Variants in ADA2 observed in about 807,000 individuals in gnomAD.
ADA2 encodes adenosine deaminase 2.
A neutral mutation model predicts 44.2 loss-of-function variants in ADA2; 29 were observed. The observed-to-expected ratio is 0.66, with a 90% confidence interval of 0.49 to 0.89. The LOEUF (loss-of-function observed/expected upper bound fraction) is 0.89. Among genes scored for constraint, ADA2 ranks in the 40% least tolerant of loss-of-function variants. The pLI is 0.00. For missense variants in ADA2, 637 were observed against 644.8 expected (o/e 0.99, Z 0.13); for synonymous variants, 215 against 234.9 (o/e 0.92, Z 0.77).
chr22:17,211,441 T>A (rs1271851896), intron 1 of ADA2, among the ~76,000 whole-genome samples: 2 of 152,024 alleles, frequency 1.3e-5, no homozygotes, highest in African/African-American at 4.8e-5. Context: ...AAGACCATTC[T>A]CAGCAACATG....
chr22:17,202,238 T>C (rs1325744124), intron 4 of ADA2, among the ~76,000 whole-genome samples: 1 of 152,054 alleles, frequency 6.6e-6, no homozygotes. Context: ...CAAGCAATTC[T>C]CCTGCCTCAG....
chr22:17,183,870 G>A (rs1368179371), intron 7 of ADA2, among the ~76,000 whole-genome samples: 1 of 150,774 alleles, frequency 6.6e-6, no homozygotes, highest in Admixed American at 6.6e-5. Context: ...ATATTTAATA[G>A]TACTGTCAAG....
At chr22:17,205,466 T>C (rs2123704968) in intron 3 of ADA2, among the ~76,000 whole-genome samples, 1 of 152,294 alleles carries the variant, frequency 6.6e-6, no homozygotes, top group Middle Eastern at 3.4e-3. Context: ...TATTCTGTTA[T>C]GGCAGCTCGA....
intron 3 of ADA2, among the ~76,000 whole-genome samples, chr22:17,205,035 TTAAACAG>T (rs1426630882): frequency 1.3e-5 from 2 of 151,810 alleles, no homozygotes; most frequent in Non-Finnish European, 2.9e-5. Context: ...CTTTTTTTTT[TTAAACAG>T]AATCTTGCTC....
intron 7 of ADA2, among the ~76,000 whole-genome samples, chr22:17,186,542 A>G (rs537495418): frequency 1.3e-5 from 2 of 152,096 alleles, no homozygotes; most frequent in African/African-American, 4.8e-5. Flanking sequence ...AGATCGCACC[A>G]CTGCACTCCA....
rs375820009 is a variant in ADA2, at chr22:17,192,973, G to A, written c.754-1163C>T. 354 of 623,944 alleles carry A rather than the reference G, an allele frequency of 5.7e-4. 1 individual carries two copies. The highest frequency in any genetic ancestry group is 7.0e-4 in the Non-Finnish European group (237 of 337,962). The allele number at this position is 623,944 out of a possible 1,614,324, so 38.7% of individuals were successfully genotyped here. Reference sequence around the variant, plus strand: ...AGAACCAAAAAGTTCATCTGGCACCGGTCTGACCAATACGTCAAAATTAAC... The same window carrying A: ...AGAACCAAAAAGTTCATCTGGCACCAGTCTGACCAATACGTCAAAATTAAC... On this transcript the variant is annotated intron_variant, in intron 4 of 9. Transcript: ENST00000399837.
At chr22:17,204,945 A>C (rs942877686) in intron 3 of ADA2, among the ~76,000 whole-genome samples, 4 of 151,582 alleles carry the variant, frequency 2.6e-5, no homozygotes, top group Non-Finnish European at 4.4e-5. Context: ...ATAGGTGTAC[A>C]CCACCACATC....
chr22:17,199,446 T>TCCCTCCCCTCCTCAATCCTCTTCCCCA, intron 4 of ADA2: 1 of 917,626 alleles, frequency 1.1e-6, no homozygotes, highest in Non-Finnish European at 1.7e-6. Context: ...CCTCTTCCCC[T>TCCCTCCCCTCCTCAATCCTCTTCCCCA]CCACCCACGA....
chr22:17,183,903 C>T (rs527660417), intron 7 of ADA2, among the ~76,000 whole-genome samples: 3 of 151,134 alleles, frequency 2.0e-5, no homozygotes, highest in Admixed American at 6.6e-5. Context: ...GCTAGATGAC[C>T]GCAGACAGTC....
rs1369318640 is a variant in ADA2 at position 17,180,658 on chromosome 22, A to T, written c.*825T>A. ...AAAGTAGAGAAAAAGAAAGGTTTAA[A>T]GGGAAGAGACTGAGGGTTCAGAATT... On this transcript the variant is annotated 3_prime_UTR_variant, in exon 10 of 10. Transcript: ENST00000399837. 6.6e-6 allele frequency: 1 copy of T among 152,142 alleles called. No homozygotes were observed. The highest frequency in any genetic ancestry group is 2.4e-5 in the African/African-American group (1 of 41,434). The allele number at this position is 152,142 out of a possible 1,614,324, so 9.4% of individuals were successfully genotyped here.
chr22:17,182,207 T>C (rs2061979393), intron 8 of ADA2, among the ~76,000 whole-genome samples, 185 bp from the exon 9 acceptor site: 1 of 152,120 alleles, frequency 6.6e-6, no homozygotes, highest in South Asian at 2.1e-4. Flanking sequence ...CTTATGCTCC[T>C]CCTCATGTTT....
At chr22:17,219,111 C>T (rs1190379982) in intron 1 of ADA2, among the ~76,000 whole-genome samples, 6 of 152,214 alleles carry the variant, frequency 3.9e-5, no homozygotes, top group South Asian at 2.1e-4. Context: ...GAGCCGAGAT[C>T]GTGCCACCAC....
intron 4 of ADA2, among the ~76,000 whole-genome samples, chr22:17,198,025 C>T (rs1329476321): frequency 6.8e-5 from 10 of 147,710 alleles, no homozygotes; most frequent in Non-Finnish European, 1.0e-4. Flanking sequence ...GCAACAAGAA[C>T]GAAACTCCGT....
At position 17,193,277 on chromosome 22, in the gene ADA2, C is replaced by A. The variant is rs182660568; in HGVS notation, c.754-1467G>T. 2.4e-5 allele frequency: 18 copies of A among 734,728 alleles called. No individual in the cohort carries two copies. In the African/African-American group the frequency reaches 3.2e-4, roughly 13 times the overall value. The allele number at this position is 734,728 out of a possible 1,614,324, so 45.5% of individuals were successfully genotyped here. A position where few individuals can be genotyped will look rare whatever the true frequency, so the allele number is the denominator to read the frequency against. ...CAGCTGGTCATCAGAGTCACCAACC[C>A]CAATGCCAGGCTGCGCAGCAAAGAA... On this transcript the variant is annotated intron_variant, in intron 4 of 9. Coordinates refer to ENST00000399837, the MANE Select transcript of ADA2 (RefSeq NM_001282225.2).
chr22:17,201,217 A>C (rs1416675197), intron 4 of ADA2, among the ~76,000 whole-genome samples: 1 of 151,950 alleles, frequency 6.6e-6, no homozygotes, highest in African/African-American at 2.4e-5. Flanking sequence ...AAAAAAAAGA[A>C]GAAGAAGAAA....
intron 2 of ADA2, among the ~76,000 whole-genome samples, chr22:17,207,588 A>G (rs2062369415): frequency 6.6e-6 from 1 of 152,090 alleles, no homozygotes; most frequent in African/African-American, 2.4e-5. Flanking sequence ...TGGGGCTTCC[A>G]TGTCTCACTA....
chr22:17,181,631 G>C (rs2061970011), intron 9 of ADA2, 55 bp from the exon 10 acceptor site: 6 of 1,308,226 alleles, frequency 4.6e-6, no homozygotes, highest in Non-Finnish European at 6.7e-6. Flanking sequence ...GGGGAACGGG[G>C]CAGGGAGCCT....
At chr22:17,186,427 C>A (rs1212238022) in intron 7 of ADA2, among the ~76,000 whole-genome samples, 2 of 151,634 alleles carry the variant, frequency 1.3e-5, no homozygotes, top group African/African-American at 4.8e-5. Flanking sequence ...ATTAAAAATA[C>A]AAAAATTAGC....
At position 17,207,020 on chromosome 22, in the gene ADA2, C is replaced by T. The variant is rs759956274; in HGVS notation, c.542+51G>A. 3.5e-6 allele frequency: 5 copies of T among 1,427,550 alleles called. No individual in the cohort carries two copies. In the South Asian group the frequency reaches 3.6e-5, roughly 10 times the overall value. The allele number at this position is 1,427,550 out of a possible 1,614,324, so 88.4% of individuals were successfully genotyped here. ...TTGTACCAAGGGAGACACCTACCCA[C>T]TGCCACCCCATGACAGGCCTGGGAC... On this transcript the variant is annotated intron_variant, in intron 3 of 9. Coordinates refer to ENST00000399837, the MANE Select transcript of ADA2 (RefSeq NM_001282225.2).
Sources: gnomAD v4.1 joint callset for allele counts (sites outside exome capture counted in the v4.1 genomes callset) on GRCh38, gnomAD v4.1.1 for gene constraint, MANE v1.5 for transcripts, NCBI Gene and HGNC (gene_info 2026-07-23, HGNC 2026-07-21) for gene names.